PPP1R12B: variants seen among roughly 807,000 people sequenced by gnomAD.
PPP1R12B encodes myosin phosphatase target subunit 2.
A neutral mutation model predicts 126.1 loss-of-function variants in PPP1R12B; 76 were observed. The observed-to-expected ratio is 0.60, with a 90% CI of 0.50 to 0.73. The LOEUF is 0.73. PPP1R12B is among the 30% of genes least tolerant of loss of function. PPP1R12B has a pLI of 0.00. For synonymous variants in PPP1R12B, 356 were observed against 434.7 expected, an observed-to-expected ratio of 0.82 and a Z score of 2.25; for missense variants, 1,052 against 1,205.1, an observed-to-expected ratio of 0.87 and a Z score of 1.88.
At chr1:202,399,899 G>A (rs977613626) in intron 1 of PPP1R12B, among the ~76,000 whole-genome samples, 1 of 151,940 alleles carries the variant, frequency 6.6e-6, no homozygotes, top group African/African-American at 2.4e-5. Flanking sequence ...GTTTGTTAAT[G>A]GGTATATCGT....
intron 13 of PPP1R12B, among the ~76,000 whole-genome samples, chr1:202,457,565 A>G (rs1325174875): frequency 3.3e-5 from 5 of 151,690 alleles, no homozygotes; most frequent in Non-Finnish European, 7.4e-5. Flanking sequence ...AAAAAAAAAA[A>G]AAGAAAGAAA....
intron 13 of PPP1R12B, among the ~76,000 whole-genome samples, chr1:202,472,652 T>C (rs1488384762): frequency 2.6e-5 from 4 of 152,210 alleles, no homozygotes; most frequent in African/African-American, 9.6e-5. Flanking sequence ...CAAGATGATA[T>C]AGTAGTTATC....
At chr1:202,467,378 C>T (rs1218372812) in intron 13 of PPP1R12B, among the ~76,000 whole-genome samples, 1 of 151,966 alleles carries the variant, frequency 6.6e-6, no homozygotes. Context: ...TCCCCGCTCC[C>T]CCCACCCCAC....
In PPP1R12B at chr1:202,463,188, G is replaced by A. The variant is rs111919333; in HGVS notation, c.1850+14017G>A. 4,317 of 602,302 alleles carry A rather than the reference G, an allele frequency of 7.2e-3. 22 individuals are homozygous for A. Among genetic ancestry groups the A allele is most frequent in the Middle Eastern group, 0.014 (17 of 1,180 alleles). 37.3% of individuals were successfully genotyped at this position (602,302 alleles called of 1,614,324 possible). A position where few individuals can be genotyped will look rare whatever the true frequency, so the allele number is the denominator to read the frequency against. ...TTGCATACTTTGATTTGGTGGTATGGTTGGGGAAGTGGGAGAAGGCAAGTG... is the reference window on the plus strand; with the variant it reads ...TTGCATACTTTGATTTGGTGGTATGATTGGGGAAGTGGGAGAAGGCAAGTG... On this transcript the variant is annotated intron_variant, in intron 13 of 23. Coordinates refer to ENST00000608999, the MANE Select transcript of PPP1R12B (RefSeq NM_002481.4).
intron 18 of PPP1R12B, among the ~76,000 whole-genome samples, chr1:202,528,809 A>C (rs1350686282): frequency 1.3e-5 from 2 of 152,130 alleles, no homozygotes; most frequent in African/African-American, 4.8e-5. Flanking sequence ...TAATCTGGAC[A>C]AAAAAATAAT....
rs747552950 is a variant in PPP1R12B, at chr1:202,442,407, G to T, written c.1542-40G>T. The T allele has an allele frequency of 7.6e-6, 12 of 1,588,466 alleles. No individual in the cohort carries two copies. The South Asian group carries it at 1.1e-4, about 15-fold the overall frequency. The stretch of plus-strand genomic sequence containing the variant: ...ATTGTATCATGGACAAAAACTGGTG[G>T]TAGGAATCAGTGTTTTGTTTTCCTT... On this transcript the variant is annotated intron_variant, in intron 11 of 23. Transcript: ENST00000608999.
intron 13 of PPP1R12B, among the ~76,000 whole-genome samples, chr1:202,452,322 C>T (rs1346757785): frequency 3.3e-5 from 5 of 152,190 alleles, no homozygotes; most frequent in Non-Finnish European, 5.9e-5. Flanking sequence ...CCAAGGCTGG[C>T]GGATCACTCG....
At chr1:202,470,381 A>G (rs1372150355) in intron 13 of PPP1R12B, among the ~76,000 whole-genome samples, 2 of 152,222 alleles carry the variant, frequency 1.3e-5, no homozygotes, top group African/African-American at 4.8e-5. Context: ...TTTTATGTAT[A>G]TCTTACTGTT....
intron 8 of PPP1R12B, 34 bp downstream of exon 8, chr1:202,431,653 A>G (rs906686608): frequency 1.6e-5 from 26 of 1,582,018 alleles, no homozygotes; most frequent in African/African-American, 8.2e-5. Flanking sequence ...AAGATCCTCT[A>G]TCTCCATAGT....
intron 9 of PPP1R12B, among the ~76,000 whole-genome samples, chr1:202,436,588 G>A (rs1362407445): frequency 6.6e-6 from 1 of 152,206 alleles, no homozygotes; most frequent in African/African-American, 2.4e-5. Flanking sequence ...CTGTTGGCTT[G>A]TGTTCCAGAG....
chr1:202,471,672 AAAC>A (rs1675919890), intron 13 of PPP1R12B, among the ~76,000 whole-genome samples: 1 of 150,842 alleles, frequency 6.6e-6, no homozygotes, highest in Non-Finnish European at 1.5e-5. Flanking sequence ...ATTACTAGTG[AAAC>A]AACATTTTCT....
intron 18 of PPP1R12B, chr1:202,502,236 A>C (rs980930034): frequency 1.0e-6 from 1 of 984,550 alleles, no homozygotes; most frequent in Admixed American, 6.1e-5. Flanking sequence ...AAGAGTTACT[A>C]AATTATAGAT....
intron 1 of PPP1R12B, among the ~76,000 whole-genome samples, chr1:202,416,248 C>T (rs981924154): frequency 4.6e-5 from 7 of 152,108 alleles, no homozygotes; most frequent in East Asian, 1.9e-4. Flanking sequence ...TGTCATAAGC[C>T]GGGTGCGGTG....
chr1:202,487,279 A>G (rs1185810015), intron 13 of PPP1R12B, among the ~76,000 whole-genome samples: 1 of 152,224 alleles, frequency 6.6e-6, no homozygotes, highest in Non-Finnish European at 1.5e-5. Flanking sequence ...CTCTTAGCCT[A>G]TTTTCTATAG....
chr1:202,525,004 G>A (rs1256501552), intron 18 of PPP1R12B, among the ~76,000 whole-genome samples: 13 of 151,972 alleles, frequency 8.6e-5, no homozygotes, highest in African/African-American at 2.9e-4. Flanking sequence ...TCAGCCTCCC[G>A]AATAGCTGGG....
chr1:202,562,803 A>G lies in PPP1R12B; in HGVS notation c.2533A>G (p.Thr845Ala). 2.5e-6 allele frequency: 4 copies of G among 1,612,756 alleles called. No individual in the cohort carries two copies. The highest frequency in any genetic ancestry group is 3.4e-6 in the Non-Finnish European group (4 of 1,179,348). Reference protein sequence around the residue: ...SRLESGGSNPTTSDSYGDRAS... With the variant: ...SRLESGGSNPATSDSYGDRAS... ...GTTGGAATCGGGAGGTAGTAATCCT[A>G]CAACCAGTGATTCTTACGGTGACCG... Residue 845 changes from threonine (T) to alanine (A), a missense_variant, in exon 20 of 24, where the codon ACA becomes GCA. Transcript: ENST00000608999.
chr1:202,404,806 A>G (rs1327653633), intron 1 of PPP1R12B, among the ~76,000 whole-genome samples: 1 of 152,094 alleles, frequency 6.6e-6, no homozygotes, highest in Non-Finnish European at 1.5e-5. Flanking sequence ...CAGCCCAAAT[A>G]ATGTTTATAC....
intron 12 of PPP1R12B, chr1:202,445,280 G>A (rs1381147998): frequency 2.5e-5 from 30 of 1,196,682 alleles, no homozygotes; most frequent in Non-Finnish European, 3.2e-5. Context: ...TAATGGCTCT[G>A]AAAACACATA....
At chr1:202,393,081 G>A (rs1664380761) in intron 1 of PPP1R12B, among the ~76,000 whole-genome samples, 1 of 152,088 alleles carries the variant, frequency 6.6e-6, no homozygotes, top group African/African-American at 2.4e-5. Flanking sequence ...CAGGGGCTGG[G>A]ACTACAGGCA....
Sources: allele counts gnomAD v4.1 joint callset (sites outside exome capture counted in the v4.1 genomes callset), GRCh38; gene constraint gnomAD v4.1.1; transcripts MANE v1.5; gene names NCBI Gene and HGNC (gene_info 2026-07-23, HGNC 2026-07-21).